Variants in NXPH1 observed in about 807,000 individuals in gnomAD.
The protein encoded by NXPH1 is neurexophilin 1, also known as neurexophilin-1.
NXPH1 carries 5 observed loss-of-function variants against 23.7 expected under a neutral mutation model. The observed-to-expected ratio is 0.21, with a 90% CI of 0.11 to 0.44. The LOEUF is 0.44. Among genes scored for constraint, NXPH1 ranks in the 20% least tolerant of loss-of-function variants. NXPH1 has a pLI of 0.99. For missense variants in NXPH1, 324 were observed against 321.6 expected, an observed-to-expected ratio of 1.01 and a Z score of -0.06; for synonymous variants, 144 against 122.2, an observed-to-expected ratio of 1.18 and a Z score of -1.18.
chr7:8,653,383 G>A (rs1169351408), intron 2 of NXPH1, among the ~76,000 whole-genome samples: 1 of 152,122 alleles, frequency 6.6e-6, no homozygotes, highest in Non-Finnish European at 1.5e-5. Flanking sequence ...GTGTGGCATT[G>A]CTCCATATCC....
At chr7:8,616,538 G>A (rs935274251) in intron 2 of NXPH1, among the ~76,000 whole-genome samples, 1 of 152,006 alleles carries the variant, frequency 6.6e-6, no homozygotes, top group Non-Finnish European at 1.5e-5. Flanking sequence ...TGCCTTGAAG[G>A]TACTAGGAAC....
At chr7:8,651,468 G>A (rs1024151827) in intron 2 of NXPH1, among the ~76,000 whole-genome samples, 1 of 149,690 alleles carries the variant, frequency 6.7e-6, no homozygotes, top group Non-Finnish European at 1.5e-5. Flanking sequence ...ATGATTTATA[G>A]TCCTTTGGGT....
At chr7:8,516,663 C>T (rs73048875) in intron 2 of NXPH1, among the ~76,000 whole-genome samples, 1 of 152,010 alleles carries the variant, frequency 6.6e-6, no homozygotes, top group South Asian at 2.1e-4. Flanking sequence ...GTTATTCTTG[C>T]CTTTATTATA....
At chr7:8,735,724 C>T (rs1033573571) in intron 2 of NXPH1, among the ~76,000 whole-genome samples, 7 of 152,178 alleles carry the variant, frequency 4.6e-5, no homozygotes, top group Non-Finnish European at 1.0e-4. Flanking sequence ...ACCAGCTTCT[C>T]TTTGTACCTC....
chr7:8,602,832 C>A (rs1424365581), intron 2 of NXPH1, among the ~76,000 whole-genome samples: 1 of 152,002 alleles, frequency 6.6e-6, no homozygotes, highest in Non-Finnish European at 1.5e-5. Context: ...AGTGGACTTA[C>A]CCTTGTGTCT....
At chr7:8,507,615 T>A (rs920713621) in intron 2 of NXPH1, among the ~76,000 whole-genome samples, 2 of 152,136 alleles carry the variant, frequency 1.3e-5, no homozygotes, top group African/African-American at 4.8e-5. Flanking sequence ...TGCACATGTT[T>A]CATAATCTTC....
chr7:8,467,945 T>C (rs1369995730), intron 2 of NXPH1, among the ~76,000 whole-genome samples: 1 of 152,152 alleles, frequency 6.6e-6, no homozygotes, highest in Admixed American at 6.5e-5. Flanking sequence ...TTGATTGTAC[T>C]CTGTAGGAAT....
At chr7:8,690,353 A>G (rs188238198) in intron 2 of NXPH1, 3 of 152,330 alleles carry the variant, frequency 2.0e-5, no homozygotes, top group Admixed American at 1.3e-4. Context: ...TTGGTGAGCT[A>G]TTTATTTTTC....
intron 2 of NXPH1, among the ~76,000 whole-genome samples, chr7:8,533,464 A>T (rs1048983792): frequency 6.6e-6 from 1 of 152,140 alleles, no homozygotes; most frequent in African/African-American, 2.4e-5. Context: ...ACATTAGGTG[A>T]CATATAGGAA....
intron 2 of NXPH1, among the ~76,000 whole-genome samples, chr7:8,616,885 T>C (rs1455853454): frequency 6.7e-6 from 1 of 149,728 alleles, no homozygotes; most frequent in Non-Finnish European, 1.5e-5. Context: ...GGCTGAAGTA[T>C]GGATATCAGA....
intron 2 of NXPH1, among the ~76,000 whole-genome samples, chr7:8,633,853 AAAG>A (rs1487936435): frequency 6.6e-6 from 1 of 152,160 alleles, no homozygotes; most frequent in Non-Finnish European, 1.5e-5. Flanking sequence ...CAGTTGTAGT[AAAG>A]TTAAATATTT....
At chr7:8,453,599 G>A (rs1443012192) in intron 2 of NXPH1, among the ~76,000 whole-genome samples, 14 of 152,100 alleles carry the variant, frequency 9.2e-5, no homozygotes, top group Non-Finnish European at 1.9e-4. Flanking sequence ...GTAGGTTATT[G>A]TTGATCTGAG....
At chr7:8,601,925 A>G (rs1819371772) in intron 2 of NXPH1, among the ~76,000 whole-genome samples, 1 of 152,248 alleles carries the variant, frequency 6.6e-6, no homozygotes, top group African/African-American at 2.4e-5. Context: ...CCGAAGACCA[A>G]TGGCCACATT....
At chr7:8,469,341 A>T (rs941029992) in intron 2 of NXPH1, among the ~76,000 whole-genome samples, 5 of 152,096 alleles carry the variant, frequency 3.3e-5, no homozygotes, top group Non-Finnish European at 7.4e-5. Flanking sequence ...ACATTAAAAA[A>T]AAATCTTTAT....
At position 8,751,796 on chromosome 7, in the gene NXPH1, C is replaced by T. The variant is rs1351276654; in HGVS notation, c.*27C>T. The T allele has an allele frequency of 6.3e-7, 1 of 1,578,474 alleles. No individual in the cohort carries two copies. ...GGTGAACATGGGGGTGAGACTGAAG[C>T]CTGAGGAATTAAAGGTCATATGACA... On this transcript the variant is annotated 3_prime_UTR_variant, in exon 3 of 3. Transcript: ENST00000405863. This position sits in a 1 kb window ranked among gnomAD's most constrained non-coding sequence, Gnocchi z 4.5.
intron 2 of NXPH1, among the ~76,000 whole-genome samples, chr7:8,550,163 C>A (rs189592702): frequency 9.8e-4 from 148 of 151,712 alleles, no homozygotes; most frequent in African/African-American, 3.3e-3. Flanking sequence ...GTGACTCTCA[C>A]TCTGTCCTTG....
At chr7:8,637,468 A>C (rs1302351981) in intron 2 of NXPH1, among the ~76,000 whole-genome samples, 1 of 151,688 alleles carries the variant, frequency 6.6e-6, no homozygotes, top group African/African-American at 2.4e-5. Flanking sequence ...CAAGCAATCC[A>C]CTCCGTCAGC....
intron 2 of NXPH1, among the ~76,000 whole-genome samples, chr7:8,621,677 G>A (rs931148998): frequency 6.6e-6 from 1 of 151,862 alleles, no homozygotes; most frequent in Non-Finnish European, 1.5e-5. Context: ...GTAGAGACAG[G>A]GTTTCACCAT....
Position 8,435,783 on chromosome 7 carries a change from T to C in NXPH1, c.54+16T>C. The stretch of plus-strand genomic sequence containing the variant: ...CGTCTACTTGGTAAGTCTTGGAAGG[T>C]TCGGGGCTTTCGCATTTTTACCCCG... On this transcript the variant is annotated intron_variant, in intron 2 of 2. Transcript: ENST00000405863. This position sits in a 1 kb window ranked among gnomAD's most constrained non-coding sequence, Gnocchi z 5.9. 1 of 1,613,500 alleles carries C rather than the reference T, an allele frequency of 6.2e-7. No homozygotes were observed. The highest frequency in any genetic ancestry group is 8.5e-7 in the Non-Finnish European group (1 of 1,179,566).
Sources: gnomAD v4.1 joint callset for allele counts (sites outside exome capture counted in the v4.1 genomes callset) on GRCh38, gnomAD v4.1.1 for gene constraint, Gnocchi (gnomAD v3.1) non-coding constraint, MANE v1.5 for transcripts, NCBI Gene and HGNC (gene_info 2026-07-23, HGNC 2026-07-21) for gene names.